Variants in PTPRE observed in about 807,000 individuals in gnomAD.
The protein encoded by PTPRE is protein tyrosine phosphatase receptor type E.
A neutral mutation model predicts 102.0 loss-of-function variants in PTPRE; 51 were observed. The observed-to-expected ratio is 0.50, with a 90% CI of 0.40 to 0.63. The LOEUF (loss-of-function observed/expected upper bound fraction) is 0.63, where lower values mean the gene tolerates loss of function less well. PTPRE is among the 30% of genes least tolerant of loss of function. The pLI, the probability that PTPRE is intolerant of heterozygous loss-of-function variation, is 0.00. For synonymous variants in PTPRE, 345 were observed against 348.2 expected (o/e 0.99, Z 0.10); for missense variants, 752 against 915.1 (o/e 0.82, Z 2.30).
chr10:128,062,187 G>A lies in PTPRE; in HGVS notation c.625+472G>A, dbSNP rs868454792. ...TTCCACCAGAGGTTGTCATCTGCAG[G>A]ACCTGGTGTACGTGCGGTTAGATAT... On this transcript the variant is annotated intron_variant, in intron 9 of 20. Transcript: ENST00000254667. 6.6e-5 allele frequency among the ~76,000 whole-genome samples: 10 copies of A among 152,298 alleles called. No individual in the cohort carries two copies. In the East Asian group the frequency reaches 1.7e-3, roughly 26 times the overall value.
At chr10:127,993,862 G>A (rs560941616) in intron 2 of PTPRE, among the ~76,000 whole-genome samples, 2 of 152,088 alleles carry the variant, frequency 1.3e-5, no homozygotes, top group Admixed American at 6.5e-5. Context: ...CTTCAACTGG[G>A]CAGGTAGAAG....
At chr10:127,926,476 T>G (rs1847016560) in intron 1 of PTPRE, among the ~76,000 whole-genome samples, 2 of 152,216 alleles carry the variant, frequency 1.3e-5, no homozygotes, top group Non-Finnish European at 1.5e-5. Context: ...TTTTCTTCTG[T>G]GAGGAGCTTT....
intron 6 of PTPRE, among the ~76,000 whole-genome samples, chr10:128,051,505 C>T (rs1010940318): frequency 6.6e-6 from 1 of 152,196 alleles, no homozygotes; most frequent in African/African-American, 2.4e-5. Flanking sequence ...TGCCCTGGGC[C>T]CTGATACATA....
intron 2 of PTPRE, among the ~76,000 whole-genome samples, chr10:128,031,740 G>T (rs1307968088): frequency 6.6e-6 from 1 of 152,214 alleles, no homozygotes; most frequent in African/African-American, 2.4e-5. Flanking sequence ...CTTCAGGGCA[G>T]CAAAATGTGG....
chr10:128,075,733 G>C (rs12255021), intron 17 of PTPRE, among the ~76,000 whole-genome samples: 38,457 of 152,006 alleles, frequency 0.25, 5,157 homozygotes, highest in East Asian at 0.4. Context: ...ACAAAATATT[G>C]TTCATTGTAT....
intron 1 of PTPRE, among the ~76,000 whole-genome samples, chr10:127,950,720 A>G (rs770001965): frequency 7.2e-5 from 11 of 152,210 alleles, no homozygotes; most frequent in Non-Finnish European, 1.3e-4. Flanking sequence ...TAGTTACTGT[A>G]AGGTACAGCA....
chr10:127,918,309 A>G (rs953849386), intron 1 of PTPRE, among the ~76,000 whole-genome samples: 2 of 152,092 alleles, frequency 1.3e-5, no homozygotes, highest in African/African-American at 2.4e-5. Flanking sequence ...CTGTAATACC[A>G]TCACTTTTGG....
intron 1 of PTPRE, among the ~76,000 whole-genome samples, chr10:127,980,338 C>CAT (rs1851507138): frequency 6.9e-6 from 1 of 143,974 alleles, no homozygotes; most frequent in African/African-American, 2.5e-5. Flanking sequence ...TATACAAATC[C>CAT]TTTTTTTTTT....
intron 1 of PTPRE, among the ~76,000 whole-genome samples, chr10:127,936,777 A>T (rs911227628): frequency 1.1e-4 from 16 of 152,226 alleles, no homozygotes; most frequent in African/African-American, 3.6e-4. Flanking sequence ...GGGCTCGTGG[A>T]TGTTGTGACC....
chr10:128,055,702 T>C (rs981444296), intron 6 of PTPRE, among the ~76,000 whole-genome samples: 2 of 152,182 alleles, frequency 1.3e-5, no homozygotes, highest in African/African-American at 4.8e-5. Flanking sequence ...AGCATCCCGC[T>C]GTAAACCCTC....
intron 1 of PTPRE, among the ~76,000 whole-genome samples, chr10:127,978,236 CA>C (rs199625031): frequency 3.3e-5 from 5 of 150,578 alleles, no homozygotes; most frequent in East Asian, 1.9e-4. Flanking sequence ...AAAACAAAAA[CA>C]AAAAAAAACA....
At chr10:127,983,205 G>A (rs1191063057) in intron 2 of PTPRE, among the ~76,000 whole-genome samples, 6 of 152,206 alleles carry the variant, frequency 3.9e-5, no homozygotes, top group East Asian at 3.8e-4. Flanking sequence ...GCTTATGGTC[G>A]TTCTTGGTGT....
chr10:128,077,917 C>T, intron 19 of PTPRE, 134 bp downstream of exon 19: 1 of 990,860 alleles, frequency 1.0e-6, no homozygotes, highest in Non-Finnish European at 1.4e-6. Context: ...CTCTACCTCT[C>T]CTTACACACA....
intron 2 of PTPRE, among the ~76,000 whole-genome samples, chr10:128,009,616 C>T (rs571221953): frequency 3.7e-4 from 57 of 152,310 alleles, no homozygotes; most frequent in African/African-American, 1.3e-3. Flanking sequence ...CAGAGCTACA[C>T]GGCTGGTGGA....
At position 128,040,695 on chromosome 10, in the gene PTPRE, G is replaced by A. The variant is rs577402803; in HGVS notation, c.-7-180G>A. Among the ~76,000 whole-genome samples, 33 of 152,296 alleles carry A rather than the reference G, an allele frequency of 2.2e-4. No individual in the cohort carries two copies. The South Asian group carries it at 6.2e-3, about 29-fold the overall frequency. On this transcript the variant is annotated intron_variant, in intron 2 of 20. Coordinates refer to ENST00000254667, the MANE Select transcript of PTPRE (RefSeq NM_006504.6). ...GAGTGAATGTCCACAGTCAGTGACTGTATCCCCCTGGTGTTGAGAAGCCTC... is the reference window on the plus strand; with the variant it reads ...GAGTGAATGTCCACAGTCAGTGACTATATCCCCCTGGTGTTGAGAAGCCTC...
Position 128,082,925 on chromosome 10 carries a change from AT to A in PTPRE, c.*25del. On this transcript the variant is annotated 3_prime_UTR_variant, in exon 21 of 21. Coordinates refer to ENST00000254667, the MANE Select transcript of PTPRE (RefSeq NM_006504.6). ...CAAATGAAGATTCCTGCCTTAAAATATTTTTTAATTTAATGGTCAGTATATT... is the reference window on the plus strand; with the variant it reads ...CAAATGAAGATTCCTGCCTTAAAATATTTTTAATTTAATGGTCAGTATATT... 1 of 1,529,350 alleles carries A rather than the reference AT, an allele frequency of 6.5e-7. No individual in the cohort carries two copies. The highest frequency in any genetic ancestry group is 8.7e-7 in the Non-Finnish European group (1 of 1,143,062). The allele number at this position is 1,529,350 out of a possible 1,614,324, so 94.7% of individuals were successfully genotyped here. A position where few individuals can be genotyped will look rare whatever the true frequency, so the allele number is the denominator to read the frequency against.
At chr10:128,005,464 T>C (rs1372572847) in intron 2 of PTPRE, among the ~76,000 whole-genome samples, 2 of 152,216 alleles carry the variant, frequency 1.3e-5, no homozygotes, top group African/African-American at 2.4e-5. Flanking sequence ...AGGAAATTCA[T>C]AGTCTGTCTT....
chr10:128,045,321 C>T (rs983626811), intron 3 of PTPRE, among the ~76,000 whole-genome samples: 11 of 152,228 alleles, frequency 7.2e-5, no homozygotes, highest in South Asian at 2.1e-4. Context: ...GCCAGACCCA[C>T]GGAGGGCTGG....
chr10:128,026,926 T>C (rs528669669), intron 2 of PTPRE, among the ~76,000 whole-genome samples: 1 of 152,234 alleles, frequency 6.6e-6, no homozygotes, highest in African/African-American at 2.4e-5. Context: ...GGATTTTGTT[T>C]CTCCTTCAGA....
Sources: gnomAD v4.1 joint callset for allele counts (sites outside exome capture counted in the v4.1 genomes callset) on GRCh38, gnomAD v4.1.1 for gene constraint, MANE v1.5 for transcripts, NCBI Gene and HGNC (gene_info 2026-07-23, HGNC 2026-07-21) for gene names.